The following CADPS variants were observed in gnomAD, a reference collection of about 807,000 sequenced individuals.
CADPS encodes calcium-dependent secretion activator 1.
In CADPS, 57 loss-of-function variants were observed where a neutral mutation model predicts 167.3. That is an observed-to-expected ratio of 0.34 (90% CI 0.28 to 0.42). CADPS has a LOEUF of 0.42. Among genes scored for constraint, CADPS ranks in the 20% least tolerant of loss-of-function variants. The pLI is 1.00. For synonymous variants in CADPS, 676 were observed against 635.3 expected (o/e 1.06, Z -0.96); for missense variants, 1,414 against 1,738.1 (o/e 0.81, Z 3.32).
At chr3:62,861,151 A>C (rs944230358) in intron 1 of CADPS, among the ~76,000 whole-genome samples, 1 of 152,168 alleles carries the variant, frequency 6.6e-6, no homozygotes, top group Non-Finnish European at 1.5e-5. Flanking sequence ...GGTCAGCTGG[A>C]AGCCAGATGG....
rs1053410444 is a variant in CADPS, at chr3:62,433,953, A to G, written c.3777+4151T>C. ...CTCCAACTTTAAATCACTGTCTTCA[A>G]GTTATTTCTTGAGCTTGTGCTTTCC... On this transcript the variant is annotated intron_variant, in intron 28 of 29. Transcript: ENST00000383710. This position sits in a 1 kb window ranked among gnomAD's most constrained non-coding sequence, Gnocchi z 4.7. Among the ~76,000 whole-genome samples the G allele has an allele frequency of 1.3e-5, 2 of 152,158 alleles. No homozygotes were observed. Among genetic ancestry groups the G allele is most frequent in the Non-Finnish European group, 2.9e-5 (2 of 68,028 alleles).
intron 3 of CADPS, among the ~76,000 whole-genome samples, chr3:62,703,774 T>G (rs535015224): frequency 6.6e-6 from 1 of 152,292 alleles, no homozygotes; most frequent in East Asian, 1.9e-4. Context: ...AATGCCTGGT[T>G]GTATTTTCCT....
At chr3:62,566,388 G>A (rs1186140346) in intron 9 of CADPS, among the ~76,000 whole-genome samples, 1 of 149,654 alleles carries the variant, frequency 6.7e-6, no homozygotes, top group African/African-American at 2.4e-5. Flanking sequence ...CAGCTGTTGG[G>A]GGCCAATTGC....
intron 7 of CADPS, among the ~76,000 whole-genome samples, chr3:62,590,877 G>T (rs1007446104): frequency 6.6e-6 from 1 of 152,020 alleles, no homozygotes; most frequent in Non-Finnish European, 1.5e-5. Context: ...TTTTTGAGAT[G>T]GAGTTTCACT....
At chr3:62,718,560 C>G (rs1452388783) in intron 3 of CADPS, among the ~76,000 whole-genome samples, 1 of 152,188 alleles carries the variant, frequency 6.6e-6, no homozygotes. Flanking sequence ...TAGATGTTTC[C>G]TAGTTGAGTA....
intron 3 of CADPS, among the ~76,000 whole-genome samples, chr3:62,742,790 T>C (rs1373371470): frequency 6.6e-6 from 1 of 152,086 alleles, no homozygotes; most frequent in Non-Finnish European, 1.5e-5. Flanking sequence ...CTAATTAAAC[T>C]AAAAAGCTTC....
At chr3:62,741,479 C>T (rs1003756264) in intron 3 of CADPS, among the ~76,000 whole-genome samples, 1 of 152,088 alleles carries the variant, frequency 6.6e-6, no homozygotes, top group Non-Finnish European at 1.5e-5. Context: ...ATATACAAAT[C>T]GATAAATGTG....
chr3:62,483,841 G>A (rs1175432403), intron 21 of CADPS, among the ~76,000 whole-genome samples: 1 of 152,100 alleles, frequency 6.6e-6, no homozygotes, highest in African/African-American at 2.4e-5. Flanking sequence ...ATAAGCAAAT[G>A]TGATCATTAA....
chr3:62,794,899 G>T (rs1020384267), intron 1 of CADPS, among the ~76,000 whole-genome samples: 4 of 151,816 alleles, frequency 2.6e-5, no homozygotes, highest in Admixed American at 6.6e-5. Context: ...CATCAGTTTG[G>T]AGAATGTGGA....
intron 1 of CADPS, among the ~76,000 whole-genome samples, chr3:62,871,929 A>T (rs1345110836): frequency 6.6e-6 from 1 of 152,196 alleles, no homozygotes; most frequent in East Asian, 1.9e-4. Flanking sequence ...TCAAAAAATG[A>T]TCTATGTGCC....
In CADPS at chr3:62,626,332, C is replaced by A. The variant is rs1356604558; in HGVS notation, c.1325+19390G>T. Reference sequence around the variant, plus strand: ...TTTCTCATTCACGTCACTTTGCAAGCTGGCACGGATTTACTAAACAGAAAA... The same window carrying A: ...TTTCTCATTCACGTCACTTTGCAAGATGGCACGGATTTACTAAACAGAAAA... On this transcript the variant is annotated intron_variant, in intron 6 of 29. Transcript: ENST00000383710. 8.8e-6 allele frequency: 4 copies of A among 452,698 alleles called. No individual in the cohort carries two copies. In the African/African-American group the frequency reaches 9.8e-5, roughly 11 times the overall value. The allele number at this position is 452,698 out of a possible 1,614,324, so 28.0% of individuals were successfully genotyped here.
At position 62,672,016 on chromosome 3, in the gene CADPS, G is replaced by A. The variant is rs1022483272; in HGVS notation, c.889-9622C>T. ...CGGATGGTCTCGATCTCTTGACCTC[G>A]TGATCCACCCACCTCAGCCTCTCAA... On this transcript the variant is annotated intron_variant, in intron 3 of 29. Transcript: ENST00000383710. Among the ~76,000 whole-genome samples, 14 of 152,056 alleles carry A rather than the reference G, an allele frequency of 9.2e-5. No homozygotes were observed. The South Asian group carries it at 1.0e-3, about 11-fold the overall frequency.
intron 3 of CADPS, among the ~76,000 whole-genome samples, chr3:62,703,306 T>C (rs2081756646): frequency 6.6e-6 from 1 of 152,148 alleles, no homozygotes; most frequent in Non-Finnish European, 1.5e-5. Flanking sequence ...CTCCAGATGC[T>C]TTTCTACCAG....
chr3:62,484,804 T>A (rs1414376505), intron 21 of CADPS, among the ~76,000 whole-genome samples: 1 of 152,134 alleles, frequency 6.6e-6, no homozygotes, highest in Non-Finnish European at 1.5e-5. Context: ...TTCTCAAAGA[T>A]TTTGGCTTTA....
rs1254707213 is a variant in CADPS at position 62,438,159 on chromosome 3, T to A, written c.3722A>T (p.Gln1241Leu). ...ATTGACCTTATCACGCAGGACATCCTGAGAATGGCGGACGAAAGTCACGTA... is the reference window on the plus strand; with the variant it reads ...ATTGACCTTATCACGCAGGACATCCAGAGAATGGCGGACGAAAGTCACGTA... ...DAYVTFVRHS[Q>L]DVLRDKVNEE... is the part of the protein sequence containing the mutation. The change falls in exon 28 of 30, where the codon CAG (glutamine) becomes CTG (leucine). Residue 1241 changes from glutamine (Q) to leucine (L), a missense_variant. Transcript: ENST00000383710. This position sits in a 1 kb window ranked among gnomAD's most constrained non-coding sequence, Gnocchi z 4.7. 1 of 1,613,766 alleles carries A rather than the reference T, an allele frequency of 6.2e-7. No individual in the cohort carries two copies. Among genetic ancestry groups the A allele is most frequent in the South Asian group, 1.1e-5 (1 of 91,058 alleles).
At chr3:62,739,558 T>C (rs992885633) in intron 3 of CADPS, among the ~76,000 whole-genome samples, 1 of 152,244 alleles carries the variant, frequency 6.6e-6, no homozygotes, top group Non-Finnish European at 1.5e-5. Context: ...TAAATCTTTT[T>C]GGCCTCCCTA....
In CADPS at chr3:62,420,878, A is replaced by T. The variant is rs2051171526; in HGVS notation, c.3777+17226T>A. ...GGAGAACGAACACACACACACACAC[A>T]CACACACACACACACACACACACAG... On this transcript the variant is annotated intron_variant, in intron 28 of 29. Transcript: ENST00000383710. The surrounding 1 kb of genome is among the most constrained non-coding windows in gnomAD (Gnocchi z 4.1). 7.6e-6 allele frequency among the ~76,000 whole-genome samples: 1 copy of T among 131,572 alleles called. No individual in the cohort carries two copies. The highest frequency in any genetic ancestry group is 7.3e-5 in the Admixed American group (1 of 13,682). 86.3% of individuals were successfully genotyped at this position (131,572 alleles called of 152,430 possible).
At chr3:62,791,391 C>T (rs920716125) in intron 1 of CADPS, among the ~76,000 whole-genome samples, 2 of 152,122 alleles carry the variant, frequency 1.3e-5, no homozygotes, top group African/African-American at 4.8e-5. Context: ...AGGTTACAGC[C>T]TTGCTATATA....
intron 1 of CADPS, among the ~76,000 whole-genome samples, chr3:62,818,244 T>A (rs1268152911): frequency 2.0e-5 from 3 of 152,190 alleles, no homozygotes; most frequent in Admixed American, 6.6e-5. Context: ...GTCCTTAAAC[T>A]TATCTGTATG....
Sources: allele counts gnomAD v4.1 joint callset (sites outside exome capture counted in the v4.1 genomes callset), GRCh38; gene constraint gnomAD v4.1.1; non-coding constraint Gnocchi (gnomAD v3.1); transcripts MANE v1.5; gene names NCBI Gene and HGNC (gene_info 2026-07-23, HGNC 2026-07-21).